Variants in TRHDE observed in about 807,000 individuals in gnomAD.
TRHDE encodes thyrotropin releasing hormone degrading enzyme, also known as thyrotropin-releasing hormone-degrading ectoenzyme.
A neutral mutation model predicts 125.7 loss-of-function variants in TRHDE; 72 were observed. The ratio of observed to expected loss-of-function variants is 0.57; its 90% CI spans 0.47 to 0.70. The LOEUF (loss-of-function observed/expected upper bound fraction) is 0.70. Ranked by LOEUF, TRHDE falls within the 30% of genes least tolerant of loss-of-function variation. The pLI is 0.00. For missense variants in TRHDE, 1,110 were observed against 1,327.1 expected (o/e 0.84, Z 2.54); for synonymous variants, 509 against 509.1 (o/e 1.00, Z 0.00).
At chr12:72,170,574 G>A (rs1876850425) in intron 2 of TRHDE, among the ~76,000 whole-genome samples, 1 of 151,980 alleles carries the variant, frequency 6.6e-6, no homozygotes, top group African/African-American at 2.4e-5. Flanking sequence ...ACCTGGAGTG[G>A]TTGTTCAAGC....
At position 72,635,133 on chromosome 12, in the gene TRHDE, T is replaced by C. The variant is rs1873678534; in HGVS notation, c.2675+13382T>C. 2.0e-5 allele frequency among the ~76,000 whole-genome samples: 3 copies of C among 151,006 alleles called. No individual in the cohort carries two copies. The South Asian group carries it at 6.3e-4, about 32-fold the overall frequency. Reference sequence around the variant, plus strand: ...AGTCCCACCAACAGTGTAAAAGTGTTCCTATTTCTCCACATCCTCTCCAGC... The same window carrying C: ...AGTCCCACCAACAGTGTAAAAGTGTCCCTATTTCTCCACATCCTCTCCAGC... On this transcript the variant is annotated intron_variant, in intron 15 of 18. Coordinates refer to ENST00000261180, the MANE Select transcript of TRHDE (RefSeq NM_013381.3).
chr12:72,160,638 G>A (rs148690520), intron 2 of TRHDE, among the ~76,000 whole-genome samples: 5 of 152,158 alleles, frequency 3.3e-5, no homozygotes, highest in African/African-American at 9.6e-5. Flanking sequence ...ACAGTGAGCC[G>A]AGACTGCGCC....
chr12:72,378,037 G>A lies in TRHDE; in HGVS notation c.1231G>A (p.Gly411Arg), dbSNP rs957181752. The A allele has an allele frequency of 7.5e-6, 12 of 1,605,114 alleles. No homozygotes were observed. The highest frequency in any genetic ancestry group is 2.2e-5 in the East Asian group (1 of 44,674). Residue 411 changes from glycine to arginine, a missense_variant, in exon 3 of 19, where the codon GGG becomes AGG. Around this residue, in one of 5 missense-constraint regions of TRHDE, gnomAD observed 252 missense variants for 274.8 expected, o/e 0.92. Coordinates refer to ENST00000261180, the MANE Select transcript of TRHDE (RefSeq NM_013381.3). ...ACCTGATGCTATCAGAAGAGGATCC[G>A]GGGACTATGCTCTCCATATAACAAA... Reference protein sequence around the residue: ...ARPDAIRRGSGDYALHITKRL... With the variant: ...ARPDAIRRGSRDYALHITKRL...
intron 2 of TRHDE, among the ~76,000 whole-genome samples, chr12:72,117,410 T>G (rs748747089): frequency 3.3e-5 from 5 of 152,232 alleles, no homozygotes; most frequent in Non-Finnish European, 5.9e-5. Flanking sequence ...TATTTCTGGA[T>G]TCTCTATTCT....
At chr12:72,380,329 A>C (rs1872084992) in intron 3 of TRHDE, among the ~76,000 whole-genome samples, 1 of 152,222 alleles carries the variant, frequency 6.6e-6, no homozygotes, top group Non-Finnish European at 1.5e-5. Context: ...AGCAATTAGT[A>C]ACATTTGTAG....
intron 3 of TRHDE, among the ~76,000 whole-genome samples, chr12:72,443,887 A>T (rs891913761): frequency 6.6e-6 from 1 of 151,814 alleles, no homozygotes; most frequent in Admixed American, 6.6e-5. Context: ...ATTTACTCAA[A>T]TATTCCATAG....
chr12:72,121,485 T>C (rs750187479), intron 2 of TRHDE, among the ~76,000 whole-genome samples: 9 of 152,174 alleles, frequency 5.9e-5, no homozygotes, highest in Admixed American at 1.3e-4. Context: ...TTGCTTTCCA[T>C]TGTTACAGGG....
At chr12:72,560,152 T>G (rs1218579236) in intron 7 of TRHDE, among the ~76,000 whole-genome samples, 1 of 152,198 alleles carries the variant, frequency 6.6e-6, no homozygotes, top group Admixed American at 6.5e-5. Flanking sequence ...TTGGCACATG[T>G]AAAATTCCAA....
chr12:72,572,057 G>C (rs187408378), intron 10 of TRHDE, among the ~76,000 whole-genome samples: 18 of 131,398 alleles, frequency 1.4e-4, no homozygotes, highest in African/African-American at 6.1e-4. Context: ...GGATCTGTCA[G>C]TTATTTAATA....
chr12:72,294,572 G>T (rs1295456374), intron 2 of TRHDE, among the ~76,000 whole-genome samples: 1 of 152,098 alleles, frequency 6.6e-6, no homozygotes, highest in Middle Eastern at 3.2e-3. Flanking sequence ...CTGAGCATGG[G>T]GCTCTTATAA....
chr12:72,112,507 G>T (rs2220159), intron 2 of TRHDE, among the ~76,000 whole-genome samples: 114,893 of 152,120 alleles, frequency 0.76, 44,013 homozygotes, highest in Non-Finnish European at 0.82. Flanking sequence ...GTGTAGTACA[G>T]GGCACACAGT....
intron 2 of TRHDE, among the ~76,000 whole-genome samples, chr12:72,108,609 G>T (rs1339354699): frequency 1.3e-5 from 2 of 152,094 alleles, no homozygotes; most frequent in East Asian, 3.9e-4. Flanking sequence ...ATTTGAATTA[G>T]AAATGGAATT....
chr12:72,497,223 C>A (rs1346510416), intron 5 of TRHDE, among the ~76,000 whole-genome samples: 3 of 151,934 alleles, frequency 2.0e-5, no homozygotes, highest in African/African-American at 7.2e-5. Flanking sequence ...TTTTTGTTTT[C>A]CTCCAGAAGC....
chr12:72,262,163 C>A (rs757022870), intron 2 of TRHDE, among the ~76,000 whole-genome samples: 9 of 152,120 alleles, frequency 5.9e-5, no homozygotes, highest in Middle Eastern at 3.2e-3. Context: ...TGTTTTAATG[C>A]AATTTCAACT....
intron 2 of TRHDE, among the ~76,000 whole-genome samples, chr12:72,309,534 A>G (rs10784961): frequency 0.65 from 98,760 of 151,724 alleles, 32,440 homozygotes; most frequent in Admixed American, 0.72. Flanking sequence ...AAGAGATGAG[A>G]TGGTCCAATA....
intron 3 of TRHDE, among the ~76,000 whole-genome samples, chr12:72,433,037 C>G (rs1874567544): frequency 6.6e-6 from 1 of 152,188 alleles, no homozygotes; most frequent in South Asian, 2.1e-4. Context: ...TTTTCAAATG[C>G]TTTTAATGCT....
At chr12:72,378,575 C>A (rs1332453542) in intron 3 of TRHDE, among the ~76,000 whole-genome samples, 1 of 152,134 alleles carries the variant, frequency 6.6e-6, no homozygotes, top group African/African-American at 2.4e-5. Flanking sequence ...CCGAACAACT[C>A]AATATTTTAC....
chr12:72,270,373 A>G (rs1318797953), upstream of TRHDE, among the ~76,000 whole-genome samples: 1 of 152,238 alleles, frequency 6.6e-6, no homozygotes, highest in African/African-American at 2.4e-5. Context: ...TTGAGCATGT[A>G]TCCCATCTGG....
chr12:72,302,651 T>C (rs924292514), intron 2 of TRHDE, among the ~76,000 whole-genome samples: 3 of 152,112 alleles, frequency 2.0e-5, no homozygotes, highest in African/African-American at 4.8e-5. Flanking sequence ...CTGCTCTTCA[T>C]TGTTTGGCAG....
Sources: allele counts gnomAD v4.1 joint callset (sites outside exome capture counted in the v4.1 genomes callset), GRCh38; gene constraint gnomAD v4.1.1; regional missense constraint gnomAD v4.1.1; transcripts MANE v1.5; gene names NCBI Gene and HGNC (gene_info 2026-07-23, HGNC 2026-07-21).